SYNJ1: variants seen among roughly 807,000 people sequenced by gnomAD.
SYNJ1 encodes the protein polyphosphatidylinositol phosphatase SYNJ1.
Under a neutral mutation model 168.2 loss-of-function variants are expected in SYNJ1, and 78 were observed. The ratio of observed to expected loss-of-function variants is 0.46; its 90% CI spans 0.39 to 0.56. SYNJ1 has a LOEUF of 0.56. Ranked by LOEUF, SYNJ1 falls within the 20% of genes least tolerant of loss-of-function variation. The pLI, the probability that SYNJ1 is intolerant of heterozygous loss-of-function variation, is 0.00. For synonymous variants in SYNJ1, 539 were observed against 548.6 expected, an observed-to-expected ratio of 0.98 and a Z score of 0.24; for missense variants, 1,303 against 1,597.6, an observed-to-expected ratio of 0.82 and a Z score of 3.14.
At chr21:32,715,037 T>C (rs2042971781) in intron 2 of SYNJ1, among the ~76,000 whole-genome samples, 1 of 152,152 alleles carries the variant, frequency 6.6e-6, no homozygotes, top group African/African-American at 2.4e-5. Context: ...TCTACTCCAT[T>C]CTCTAAGAGA....
chr21:32,689,274 T>C (rs1352543562), intron 6 of SYNJ1, among the ~76,000 whole-genome samples: 3 of 152,098 alleles, frequency 2.0e-5, no homozygotes, highest in African/African-American at 7.2e-5. Flanking sequence ...TTGCCCAAAA[T>C]TCATTCTTGC....
intron 14 of SYNJ1, chr21:32,670,774 A>T (rs945301982): frequency 1.0e-6 from 1 of 983,514 alleles, no homozygotes; most frequent in Non-Finnish European, 1.2e-6. Flanking sequence ...TGCTGGTAAC[A>T]GTTGGGAGGA....
chr21:32,726,705 G>T, intron 2 of SYNJ1, 67 bp downstream of exon 2: 1 of 1,571,076 alleles, frequency 6.4e-7, no homozygotes, highest in Non-Finnish European at 8.6e-7. Context: ...CTAAAAAATG[G>T]TTGCATCTGA....
Position 32,695,280 on chromosome 21 carries a change from T to G in SYNJ1, c.482A>C (p.Asn161Thr). 2.5e-6 allele frequency: 4 copies of G among 1,613,204 alleles called. No individual in the cohort carries two copies. The highest frequency in any genetic ancestry group is 3.4e-6 in the Non-Finnish European group (4 of 1,179,446). The part of the protein sequence containing the change: ...EQTTDNRFFW[N>T]QSLHLHLKHY... ...TTTGAGATGCAAATGCAAAGACTGATTCCTAATAGGAAAAGAAATAAATGA... is the reference window on the plus strand; with the variant it reads ...TTTGAGATGCAAATGCAAAGACTGAGTCCTAATAGGAAAAGAAATAAATGA... Residue 161 changes from asparagine (N) to threonine (T), a missense_variant and splice_region_variant, in exon 5 of 33, where the codon AAT becomes ACT. Coordinates refer to ENST00000674351, the MANE Select transcript of SYNJ1 (RefSeq NM_203446.3).
chr21:32,701,224 T>C (rs1044247148), intron 3 of SYNJ1, among the ~76,000 whole-genome samples: 1 of 152,200 alleles, frequency 6.6e-6, no homozygotes, highest in African/African-American at 2.4e-5. Flanking sequence ...CTCCATTTTA[T>C]AGACCAGTGC....
chr21:32,668,588 A>G (rs2041052774), intron 15 of SYNJ1, among the ~76,000 whole-genome samples: 1 of 152,170 alleles, frequency 6.6e-6, no homozygotes, highest in African/African-American at 2.4e-5. Context: ...CTAATAAAAT[A>G]TTTGTCACTT....
At position 32,638,622 on chromosome 21, in the gene SYNJ1, G is replaced by A. The variant is rs553445629; in HGVS notation, c.3915+286C>T. 1.2e-3 allele frequency among the ~76,000 whole-genome samples: 176 copies of A among 152,176 alleles called. 1 individual carries two copies. The Middle Eastern group carries it at 0.031, about 26-fold the overall frequency. ...TGAGGCAGGAGAATCGCTTGAACCC[G>A]GGAGGCGGAGGTTGCAGTGAGCGGA... On this transcript the variant is annotated intron_variant, in intron 31 of 32. Transcript: ENST00000674351.
In SYNJ1 at chr21:32,643,409, C is replaced by T. The variant is rs1085307987; in HGVS notation, c.3478+1G>A. 9 of 1,613,584 alleles carry T rather than the reference C, an allele frequency of 5.6e-6. No individual in the cohort carries two copies. Among genetic ancestry groups the T allele is most frequent in the East Asian group, 4.5e-5 (2 of 44,872 alleles). ...CTTCTATAATGCAAGAGTCTTGTTA[C>T]CTTCCATCTCTCTCCTAGCTACCCC... On this transcript the variant is annotated splice_donor_variant, in intron 27 of 32. Transcript: ENST00000674351. LOFTEE classifies it high-confidence loss of function.
chr21:32,682,177 T>C lies in SYNJ1; in HGVS notation c.1201-529A>G, dbSNP rs16989663. On this transcript the variant is annotated intron_variant, in intron 10 of 32. Transcript: ENST00000674351. ...ATGCATAAAATCCACATCGGTAATA[T>C]ATATAAGGGAAGAACTAGGGGGAAG... Among the ~76,000 whole-genome samples the C allele has an allele frequency of 6.1e-3, 928 of 152,184 alleles. 10 individuals carry two copies. Among genetic ancestry groups the C allele is most frequent in the African/African-American group, 0.021 (875 of 41,514 alleles).
intron 14 of SYNJ1, among the ~76,000 whole-genome samples, chr21:32,672,078 A>AAAAAAAG (rs1415012016): frequency 6.9e-6 from 1 of 144,290 alleles, no homozygotes; most frequent in Non-Finnish European, 1.5e-5. Flanking sequence ...AAAAAAAAAA[A>AAAAAAAG]AAAAAAGAAA....
intron 15 of SYNJ1, 116 bp downstream of exon 15, chr21:32,670,172 C>G (rs752500634): frequency 2.6e-6 from 2 of 762,360 alleles, no homozygotes; most frequent in African/African-American, 1.8e-5. Flanking sequence ...TACAGTTTTA[C>G]GAGCACCCTT....
intron 6 of SYNJ1, among the ~76,000 whole-genome samples, chr21:32,693,175 G>T (rs1015620646): frequency 6.6e-6 from 1 of 152,028 alleles, no homozygotes; most frequent in African/African-American, 2.4e-5. Flanking sequence ...CATTCACCTC[G>T]CATCACATCA....
In SYNJ1 at chr21:32,666,537, C is replaced by T. The variant is rs1601348530; in HGVS notation, c.1848G>A (p.Gln616=). 2 of 1,613,896 alleles carry T rather than the reference C, an allele frequency of 1.2e-6. No homozygotes were observed. Among genetic ancestry groups the T allele is most frequent in the African/African-American group, 2.7e-5 (2 of 74,894 alleles). Residue 616 remains glutamine (Q), a synonymous_variant, in exon 16 of 33, where the codon CAG becomes CAA. Coordinates refer to ENST00000674351, the MANE Select transcript of SYNJ1 (RefSeq NM_203446.3). ...TNQKLWAVEL[Q]KTISRDNKYV... ...ACTTGTTGTCTCTGGAGATTGTCTTCTGAAGTTCTACAGCCCAGAGCTTCT... is the reference window on the plus strand; with the variant it reads ...ACTTGTTGTCTCTGGAGATTGTCTTTTGAAGTTCTACAGCCCAGAGCTTCT...
At chr21:32,709,153 A>T (rs1340430583) in intron 2 of SYNJ1, among the ~76,000 whole-genome samples, 2 of 152,218 alleles carry the variant, frequency 1.3e-5, no homozygotes, top group Non-Finnish European at 2.9e-5. Context: ...CCATGGATCC[A>T]ACACGCTTTT....
chr21:32,727,156 G>GT (rs1394455130), intron 1 of SYNJ1, among the ~76,000 whole-genome samples: 1 of 152,216 alleles, frequency 6.6e-6, no homozygotes, highest in African/African-American at 2.4e-5. Flanking sequence ...TTTTAGCACT[G>GT]TAAGTCAATC....
chr21:32,637,210 G>C (rs1601221952), intron 31 of SYNJ1, among the ~76,000 whole-genome samples: 1 of 152,052 alleles, frequency 6.6e-6, no homozygotes, highest in Non-Finnish European at 1.5e-5. Context: ...CCCTAAAACA[G>C]TCCTAGAAAG....
chr21:32,657,545 A>G (rs2040507317), intron 19 of SYNJ1, among the ~76,000 whole-genome samples, 171 bp downstream of exon 19: 1 of 152,256 alleles, frequency 6.6e-6, no homozygotes, highest in Non-Finnish European at 1.5e-5. Context: ...TAAATAAGTT[A>G]TTATAAACAG....
Position 32,727,988 on chromosome 21 carries a change from C to T in SYNJ1, c.-65G>A. 2 of 1,535,692 alleles carry T rather than the reference C, an allele frequency of 1.3e-6. No homozygotes were observed. The highest frequency in any genetic ancestry group is 1.4e-5 in the African/African-American group (1 of 72,824). ...CCTCCTCCTTCTCCCGCAGCCGCCG[C>T]CACAGCCGCCGGGAGCGTCACTTCC... On this transcript the variant is annotated 5_prime_UTR_variant, in exon 1 of 33. Transcript: ENST00000674351.
At chr21:32,714,496 T>G (rs1339577511) in intron 2 of SYNJ1, among the ~76,000 whole-genome samples, 1 of 152,174 alleles carries the variant, frequency 6.6e-6, no homozygotes, top group Non-Finnish European at 1.5e-5. Context: ...TGCAGGCAGT[T>G]GCATGGAATC....
Sources: allele counts gnomAD v4.1 joint callset (sites outside exome capture counted in the v4.1 genomes callset), GRCh38; gene constraint gnomAD v4.1.1; transcripts MANE v1.5; gene names NCBI Gene and HGNC (gene_info 2026-07-23, HGNC 2026-07-21).